The following SCMH1 variants were observed in gnomAD, a reference collection of about 807,000 sequenced individuals.
The protein encoded by SCMH1 is polycomb protein SCMH1.
In SCMH1, 37 loss-of-function variants were observed where a neutral mutation model predicts 70.8. The ratio of observed to expected loss-of-function variants is 0.52; its 90% CI spans 0.40 to 0.69. The LOEUF (loss-of-function observed/expected upper bound fraction) is 0.69. Among genes scored for constraint, SCMH1 ranks in the 30% least tolerant of loss-of-function variants. The pLI, the probability that SCMH1 is intolerant of heterozygous loss-of-function variation, is 0.00. For synonymous variants in SCMH1, 292 were observed against 307.4 expected (o/e 0.95, Z 0.52); for missense variants, 607 against 827.3 (o/e 0.73, Z 3.27).
chr1:41,076,928 G>A (rs902284002), intron 8 of SCMH1, among the ~76,000 whole-genome samples: 10 of 152,120 alleles, frequency 6.6e-5, no homozygotes, highest in African/African-American at 2.4e-4. Context: ...GAGCAGGGGA[G>A]GGACAAGATA....
intron 2 of SCMH1, among the ~76,000 whole-genome samples, chr1:41,162,533 C>T (rs1646122350): frequency 6.6e-6 from 1 of 152,148 alleles, no homozygotes; most frequent in South Asian, 2.1e-4. Flanking sequence ...AGGATCAGCC[C>T]CAGAGCAGAG....
chr1:41,218,988 T>C (rs938286254), intron 1 of SCMH1, among the ~76,000 whole-genome samples: 3 of 152,186 alleles, frequency 2.0e-5, no homozygotes, highest in Non-Finnish European at 4.4e-5. Context: ...TGTGGGCTAG[T>C]GACCAGAAGA....
chr1:41,146,921 A>C (rs1248282219), intron 5 of SCMH1, among the ~76,000 whole-genome samples: 1 of 152,120 alleles, frequency 6.6e-6, no homozygotes, highest in East Asian at 1.9e-4. Flanking sequence ...AATTTTGGTC[A>C]GGCATCTTCT....
At chr1:41,200,388 G>C (rs1025369522) in intron 1 of SCMH1, among the ~76,000 whole-genome samples, 1 of 152,024 alleles carries the variant, frequency 6.6e-6, no homozygotes, top group Non-Finnish European at 1.5e-5. Flanking sequence ...GCTGAGGCAG[G>C]AGAATGGCGT....
chr1:41,239,843 C>G (rs1663147254), intron 1 of SCMH1, among the ~76,000 whole-genome samples: 1 of 152,030 alleles, frequency 6.6e-6, no homozygotes, highest in South Asian at 2.1e-4. Flanking sequence ...GCTACGTAGC[C>G]CAGGCTGGTC....
intron 6 of SCMH1, among the ~76,000 whole-genome samples, chr1:41,134,885 C>A (rs530540623): frequency 2.0e-5 from 3 of 151,860 alleles, no homozygotes; most frequent in African/African-American, 4.8e-5. Flanking sequence ...TATATAGTAC[C>A]CATTTTCTGG....
chr1:41,228,557 A>G (rs1253358497), intron 1 of SCMH1, among the ~76,000 whole-genome samples: 1 of 151,912 alleles, frequency 6.6e-6, no homozygotes, highest in Admixed American at 6.6e-5. Context: ...CTGAGGTGGG[A>G]GCATCACTTA....
chr1:41,168,604 T>C (rs1423196598), intron 2 of SCMH1, among the ~76,000 whole-genome samples: 1 of 151,694 alleles, frequency 6.6e-6, no homozygotes, highest in Non-Finnish European at 1.5e-5. Flanking sequence ...GTAAATCACA[T>C]ATCTCTATTT....
chr1:41,096,590 G>A (rs896207247), intron 8 of SCMH1, among the ~76,000 whole-genome samples: 7 of 152,100 alleles, frequency 4.6e-5, no homozygotes, highest in Non-Finnish European at 8.8e-5. Flanking sequence ...TGAAGAGCAG[G>A]GTAGATTGGA....
At chr1:41,121,101 G>A (rs1021707732) in intron 6 of SCMH1, among the ~76,000 whole-genome samples, 4 of 152,076 alleles carry the variant, frequency 2.6e-5, no homozygotes, top group African/African-American at 9.7e-5. Flanking sequence ...CCTCTCTCTA[G>A]CTTCAGTTTC....
chr1:41,196,294 T>C (rs1341137856), intron 1 of SCMH1, among the ~76,000 whole-genome samples: 1 of 152,034 alleles, frequency 6.6e-6, no homozygotes, highest in African/African-American at 2.4e-5. Flanking sequence ...TTAGAAAACT[T>C]ACACTTTCTA....
At chr1:41,229,011 C>T (rs558518767) in intron 1 of SCMH1, among the ~76,000 whole-genome samples, 1 of 152,202 alleles carries the variant, frequency 6.6e-6, no homozygotes, top group East Asian at 1.9e-4. Flanking sequence ...GCCTGACCAA[C>T]ACGGTGAAAC....
intron 7 of SCMH1, among the ~76,000 whole-genome samples, chr1:41,114,526 A>AT (rs1321940531): frequency 6.6e-6 from 1 of 152,192 alleles, no homozygotes; most frequent in Non-Finnish European, 1.5e-5. Flanking sequence ...AGTTCCATAT[A>AT]TAAACCCTAT....
At chr1:41,073,656 ATCCT>A (rs1032760869) in intron 9 of SCMH1, among the ~76,000 whole-genome samples, 22 of 150,996 alleles carry the variant, frequency 1.5e-4, no homozygotes, top group Admixed American at 8.6e-4. Flanking sequence ...CCATCCATCC[ATCCT>A]TCCATCCATG....
At chr1:41,077,641 G>C (rs1658733256) in intron 8 of SCMH1, among the ~76,000 whole-genome samples, 1 of 152,148 alleles carries the variant, frequency 6.6e-6, no homozygotes, top group South Asian at 2.1e-4. Flanking sequence ...TAAGGAGCTA[G>C]AAATTAGGTT....
chr1:41,108,925 T>C (rs186860186), intron 8 of SCMH1, among the ~76,000 whole-genome samples: 2 of 152,344 alleles, frequency 1.3e-5, no homozygotes. Flanking sequence ...TGGCTGGGAC[T>C]AGAACCCAGT....
At chr1:41,115,783 CTTTTA>C (rs1474426027) in intron 7 of SCMH1, among the ~76,000 whole-genome samples, 6 of 152,118 alleles carry the variant, frequency 3.9e-5, no homozygotes, top group South Asian at 2.1e-4. Context: ...CTTTCATATT[CTTTTA>C]TTTTCTTTTT....
intron 9 of SCMH1, among the ~76,000 whole-genome samples, chr1:41,071,254 C>T (rs1278063260): frequency 1.1e-5 from 1 of 87,494 alleles, no homozygotes; most frequent in Non-Finnish European, 2.1e-5. Context: ...ACCTGGTCCA[C>T]ACCTTTACAA....
intron 1 of SCMH1, among the ~76,000 whole-genome samples, chr1:41,187,286 A>AC (rs1251191837): frequency 2.0e-5 from 3 of 151,654 alleles, no homozygotes; most frequent in African/African-American, 7.3e-5. Context: ...ACATGGCGAA[A>AC]CCCCATCTCT....
Sources: gnomAD v4.1 joint callset for allele counts (sites outside exome capture counted in the v4.1 genomes callset) on GRCh38, gnomAD v4.1.1 for gene constraint, MANE v1.5 for transcripts, NCBI Gene and HGNC (gene_info 2026-07-23, HGNC 2026-07-21) for gene names.